Variants in USP29 observed in about 807,000 individuals in gnomAD.
USP29 encodes ubiquitin carboxyl-terminal hydrolase 29.
For synonymous variants in USP29, 386 were observed against 387.4 expected (o/e 1.00, Z 0.04); for missense variants, 1,102 against 1,069.0 (o/e 1.03, Z -0.43).
chr19:57,121,480 T>TTTA, intron 1 of USP29, among the ~76,000 whole-genome samples: 1 of 139,848 alleles, frequency 7.2e-6, no homozygotes, highest in Non-Finnish European at 1.6e-5. Flanking sequence ...TTATACATAC[T>TTTA]TATATGTTAT....
At position 57,120,190 on chromosome 19, in the gene USP29, C is replaced by CACGA; in HGVS notation, c.-307_-306insACGA. 1 of 152,462 alleles carries CACGA rather than the reference C, an allele frequency of 6.6e-6. No homozygotes were observed. The highest frequency in any genetic ancestry group is 6.5e-5 in the Admixed American group (1 of 15,268). 9.4% of individuals were successfully genotyped at this position (152,462 alleles called of 1,614,324 possible). A position where few individuals can be genotyped will look rare whatever the true frequency, so the allele number is the denominator to read the frequency against. Reference sequence around the variant, plus strand: ...CTTTGGGAGGCCGAGGCGGGAGGATCGCTTGTGCCCAGGAGTTGGAGACCA... The same window carrying CACGA: ...CTTTGGGAGGCCGAGGCGGGAGGATCACGAGCTTGTGCCCAGGAGTTGGAGACCA... On this transcript the variant is annotated 5_prime_UTR_variant, in exon 1 of 4. The change abolishes the stop of an existing upstream ORF in the 5' untranslated region. Coordinates refer to ENST00000254181, the MANE Select transcript of USP29 (RefSeq NM_020903.3).
intron 1 of USP29, 42 bp from the exon 2 acceptor site, chr19:57,122,283 T>G (rs2086801651): frequency 6.6e-6 from 1 of 152,078 alleles, no homozygotes; most frequent in Non-Finnish European, 1.5e-5. Context: ...GGTCGGAACA[T>G]CATAATCACT....
At chr19:57,126,232 G>C (rs1488113713) in intron 3 of USP29, among the ~76,000 whole-genome samples, 1 of 152,050 alleles carries the variant, frequency 6.6e-6, no homozygotes, top group African/African-American at 2.4e-5. Flanking sequence ...ACGATTATGT[G>C]TCTTGGGGTT....
intron 1 of USP29, among the ~76,000 whole-genome samples, chr19:57,121,539 ATATGCTATGTATACT>A (rs2086796784): frequency 7.0e-6 from 1 of 143,144 alleles, no homozygotes; most frequent in Non-Finnish European, 1.5e-5. Context: ...ATATACTTAT[ATATGCTATGTATACT>A]TATATATGTT....
chr19:57,119,377 A>G (rs2086780717), upstream of USP29, among the ~76,000 whole-genome samples: 1 of 151,972 alleles, frequency 6.6e-6, no homozygotes, highest in South Asian at 2.1e-4. Context: ...TCTCTTCCGC[A>G]CCCTCTCTTC....
chr19:57,119,251 C>T (rs1291032565), upstream of USP29: 1 of 152,252 alleles, frequency 6.6e-6, no homozygotes, highest in African/African-American at 2.4e-5. Flanking sequence ...TAAAGCTCGG[C>T]TGGGAAACCG....
At chr19:57,124,520 T>C (rs745812121) in intron 3 of USP29, among the ~76,000 whole-genome samples, 2 of 151,848 alleles carry the variant, frequency 1.3e-5, no homozygotes, top group Non-Finnish European at 1.5e-5. Flanking sequence ...TTTTGTTTTT[T>C]GTTTTTCAGA....
rs774839345 is a variant in USP29 at position 57,129,095 on chromosome 19, G to A, written c.420G>A (p.Lys140=). The A allele has an allele frequency of 7.4e-6, 12 of 1,612,390 alleles. No individual in the cohort carries two copies. Among genetic ancestry groups the A allele is most frequent in the Non-Finnish European group, 9.3e-6 (11 of 1,179,124 alleles). The change falls in exon 4 of 4, where the codon AAG becomes AAA. Residue 140 remains lysine (K), a synonymous_variant. Transcript: ENST00000254181. ...CTTCATTTTACAGCATTTGTAACAA[G>A]CCAAGTTATCAGAAGATGCCTTTGT... ...DKTSFYSICN[K]PSYQKMPLFM... is the part of the protein sequence containing the mutation.
At chr19:57,126,119 C>T (rs1016865014) in intron 3 of USP29, among the ~76,000 whole-genome samples, 3 of 152,128 alleles carry the variant, frequency 2.0e-5, no homozygotes, top group Admixed American at 6.5e-5. Context: ...GTTTCTGGAG[C>T]AATCCACTAT....
At chr19:57,122,543 G>GTA (rs879779278) in intron 2 of USP29, 69 bp downstream of exon 2, 1 of 151,850 alleles carries the variant, frequency 6.6e-6, no homozygotes, top group Non-Finnish European at 1.5e-5. Context: ...GTGTGTGTGT[G>GTA]TGTGTGTGTG....
intron 1 of USP29, 41 bp downstream of exon 1, chr19:57,120,270 AAT>A: frequency 7.2e-6 from 1 of 138,462 alleles, no homozygotes; most frequent in Non-Finnish European, 1.6e-5. Context: ...AAAATTTTAA[AAT>A]TAGCTAGCTG....
rs2086836924 is a variant in USP29, at chr19:57,128,812, A to G, written c.137A>G (p.Lys46Arg). 1 of 1,614,052 alleles carries G rather than the reference A, an allele frequency of 6.2e-7. No individual in the cohort carries two copies. The highest frequency in any genetic ancestry group is 1.3e-5 in the African/African-American group (1 of 75,038). ...IKLVVTFKSG[K>R]FIRIFQLSNN... ...CTGGTGGTCACTTTCAAATCTGGAA[A>G]ATTTATAAGAATTTTTCAGCTGAGC... Residue 46 changes from lysine (K) to arginine (R), a missense_variant, in exon 4 of 4, where the codon AAA becomes AGA. Coordinates refer to ENST00000254181, the MANE Select transcript of USP29 (RefSeq NM_020903.3).
chr19:57,129,495 G>T lies in USP29; in HGVS notation c.820G>T (p.Val274Leu). 6.2e-7 allele frequency: 1 copy of T among 1,614,172 alleles called. No homozygotes were observed. Among genetic ancestry groups the T allele is most frequent in the South Asian group, 1.1e-5 (1 of 91,078 alleles). ...QGDPRCNKAQ[V>L]PLDSHSQQLQ... ...TGACCCAAGATGCAACAAAGCCCAG[G>T]TGCCTCTTGACTCTCATTCACAGCA... is the stretch of plus-strand genomic sequence containing the variant. Residue 274 changes from valine (V) to leucine (L), a missense_variant, in exon 4 of 4, where the codon GTG becomes TTG. Val to Leu is a conservative substitution (Grantham distance 32, BLOSUM62 1). Coordinates refer to ENST00000254181, the MANE Select transcript of USP29 (RefSeq NM_020903.3).
chr19:57,130,861 G>C lies in USP29; in HGVS notation c.2186G>C (p.Gly729Ala). Residue 729 changes from glycine (G) to alanine (A), a missense_variant, in exon 4 of 4, where the codon GGA (glycine) becomes GCA (alanine). Gly to Ala is a moderately conservative substitution (Grantham distance 60). Coordinates refer to ENST00000254181, the MANE Select transcript of USP29 (RefSeq NM_020903.3). Reference sequence around the variant, plus strand: ...AACAGGATTCCAGAAGGATCTCAAGGAATGGCTGAACAGCTCCAGCAGTGT... The same window carrying C: ...AACAGGATTCCAGAAGGATCTCAAGCAATGGCTGAACAGCTCCAGCAGTGT... ...KENRIPEGSQ[G>A]MAEQLQQCIE... 1.2e-6 allele frequency: 2 copies of C among 1,614,190 alleles called. No homozygotes were observed. The highest frequency in any genetic ancestry group is 2.2e-5 in the South Asian group (2 of 91,088).
rs1293221288 is a variant in USP29 at position 57,129,502 on chromosome 19, T to C, written c.827T>C (p.Leu276Pro). Residue 276 changes from leucine to proline, a missense_variant, in exon 4 of 4, where the codon CTT becomes CCT. Transcript: ENST00000254181. ...DPRCNKAQVP[L>P]DSHSQQLQQG... ...AGATGCAACAAAGCCCAGGTGCCTC[T>C]TGACTCTCATTCACAGCAACTGCAG... 6.2e-7 allele frequency: 1 copy of C among 1,614,108 alleles called. No homozygotes were observed. Among genetic ancestry groups the C allele is most frequent in the Non-Finnish European group, 8.5e-7 (1 of 1,180,046 alleles).
At position 57,131,317 on chromosome 19, in the gene USP29, T is replaced by C; in HGVS notation, c.2642T>C (p.Phe881Ser). ...EARLHSGYIF[F>S]YMHNGIFEEL... ...AGGCTTCACTCTGGGTATATCTTCT[T>C]TTACATGCACAATGGGATTTTTGAG... is the stretch of plus-strand genomic sequence containing the variant. Residue 881 changes from phenylalanine to serine, a missense_variant, in exon 4 of 4, where the codon TTT (phenylalanine) becomes TCT (serine). Coordinates refer to ENST00000254181, the MANE Select transcript of USP29 (RefSeq NM_020903.3). The C allele has an allele frequency of 6.2e-7, 1 of 1,614,164 alleles. No homozygotes were observed. Among genetic ancestry groups the C allele is most frequent in the Non-Finnish European group, 8.5e-7 (1 of 1,180,038 alleles).
rs1226064773 is a variant in USP29 at position 57,130,637 on chromosome 19, G to A, written c.1962G>A (p.Gln654=). ...ELPVADSLMD[Q]GDISLPVMYE... ...CAGTGGCTGACTCACTGATGGACCA[G>A]GGAGACATTTCTCTTCCTGTGATGT... Residue 654 remains glutamine (Q), a synonymous_variant, in exon 4 of 4, where the codon CAG becomes CAA. Coordinates refer to ENST00000254181, the MANE Select transcript of USP29 (RefSeq NM_020903.3). The A allele has an allele frequency of 2.5e-6, 4 of 1,614,052 alleles. No individual in the cohort carries two copies. The highest frequency in any genetic ancestry group is 1.1e-5 in the South Asian group (1 of 91,092).
In USP29 at chr19:57,128,921, G is replaced by C; in HGVS notation, c.246G>C (p.Leu82Phe). Residue 82 changes from leucine to phenylalanine, a missense_variant, in exon 4 of 4, where the codon TTG becomes TTC. By Grantham distance (22) the Leu-to-Phe change is conservative (BLOSUM62 0). Coordinates refer to ENST00000254181, the MANE Select transcript of USP29 (RefSeq NM_020903.3). ...TAACTTTGAAAAACAACGTGTTCTT[G>C]TTTATTGACAAATTATCCTACAGAG... The part of the protein sequence containing the change: ...LRLTLKNNVF[L>F]FIDKLSYRDA... 1 of 1,613,880 alleles carries C rather than the reference G, an allele frequency of 6.2e-7. No individual in the cohort carries two copies. The highest frequency in any genetic ancestry group is 8.5e-7 in the Non-Finnish European group (1 of 1,179,952).
upstream of USP29, among the ~76,000 whole-genome samples, chr19:57,119,579 T>C (rs1039292113): frequency 3.9e-5 from 6 of 152,200 alleles, no homozygotes; most frequent in South Asian, 1.0e-3. Flanking sequence ...CCCACCACCA[T>C]GCCCGGCTGA....
Sources: gnomAD v4.1 joint callset for allele counts (sites outside exome capture counted in the v4.1 genomes callset) on GRCh38, gnomAD v4.1.1 for gene constraint, MANE v1.5 for transcripts, NCBI Gene and HGNC (gene_info 2026-07-23, HGNC 2026-07-21) for gene names.